Variants in SEPTIN10 observed in about 807,000 individuals in gnomAD.
SEPTIN10 encodes septin 10, also known as septin-10.
Under a neutral mutation model 54.8 loss-of-function variants are expected in SEPTIN10, and 66 were observed. The observed-to-expected ratio is 1.21, with a 90% CI of 0.99 to 1.48. The LOEUF (loss-of-function observed/expected upper bound fraction) is 1.48. Ranked by LOEUF, SEPTIN10 falls within the 40% of genes most tolerant of loss-of-function variation. The pLI, the probability that SEPTIN10 is intolerant of heterozygous loss-of-function variation, is 0.00. For missense variants in SEPTIN10, 620 were observed against 545.6 expected (o/e 1.14, Z -1.36); for synonymous variants, 161 against 181.0 (o/e 0.89, Z 0.89).
intron 1 of SEPTIN10, among the ~76,000 whole-genome samples, chr2:109,612,944 G>A (rs1343781581): frequency 1.3e-5 from 2 of 152,222 alleles, no homozygotes; most frequent in Admixed American, 1.3e-4. Context: ...CATGTAGGAG[G>A]TTGCTTAGTA....
intron 1 of SEPTIN10, among the ~76,000 whole-genome samples, chr2:109,603,652 G>A (rs1040746356): frequency 6.6e-6 from 1 of 152,108 alleles, no homozygotes; most frequent in African/African-American, 2.4e-5. Flanking sequence ...TAGTACAATT[G>A]GGAGACATAC....
At chr2:109,564,293 A>G in intron 8 of SEPTIN10, 73 bp downstream of exon 8, 1 of 1,337,448 alleles carries the variant, frequency 7.5e-7, no homozygotes, top group East Asian at 2.5e-5. Flanking sequence ...ATGCCCCATC[A>G]TCCTGGATAT....
intron 2 of SEPTIN10, among the ~76,000 whole-genome samples, chr2:109,591,570 T>G (rs940790218): frequency 6.6e-6 from 1 of 152,172 alleles, no homozygotes; most frequent in East Asian, 1.9e-4. Context: ...CTACAGTTAT[T>G]GGAGCACAGA....
Position 109,590,072 on chromosome 2 carries a change from A to T in SEPTIN10, c.99+2979T>A, listed in dbSNP as rs1013180204. ...TATGTGTGTGTATATATATACACAC[A>T]CATATATATGTATATATATACACAC... On this transcript the variant is annotated intron_variant, in intron 2 of 10. Transcript: ENST00000397712. Among the ~76,000 whole-genome samples the T allele has an allele frequency of 2.0e-5, 3 of 148,216 alleles. No individual in the cohort carries two copies. The East Asian group carries it at 5.9e-4, about 29-fold the overall frequency.
chr2:109,567,987 T>A lies in SEPTIN10; in HGVS notation c.601-11A>T, dbSNP rs1023348971. The A allele has an allele frequency of 1.3e-6, 2 of 1,559,600 alleles. No individual in the cohort carries two copies. Among genetic ancestry groups the A allele is most frequent in the Admixed American group, 2.0e-5 (1 of 49,320 alleles). ...TGGTATAATGTTTACCTATTAAGAATAAAGAAAAACAAAATCTTACTGAGG... is the reference window on the plus strand; with the variant it reads ...TGGTATAATGTTTACCTATTAAGAAAAAAGAAAAACAAAATCTTACTGAGG... On this transcript the variant is annotated splice_polypyrimidine_tract_variant and intron_variant, in intron 5 of 10. Coordinates refer to ENST00000397712, the MANE Select transcript of SEPTIN10 (RefSeq NM_144710.5).
intron 8 of SEPTIN10, among the ~76,000 whole-genome samples, chr2:109,558,386 A>C (rs1684868982): frequency 6.6e-6 from 1 of 152,192 alleles, no homozygotes; most frequent in South Asian, 2.1e-4. Flanking sequence ...TACTAAGCAT[A>C]CATCTTCCTT....
At chr2:109,598,523 C>T (rs1695824960) in intron 1 of SEPTIN10, among the ~76,000 whole-genome samples, 1 of 151,918 alleles carries the variant, frequency 6.6e-6, no homozygotes, top group Admixed American at 6.6e-5. Flanking sequence ...CGAGAGAGAA[C>T]AAAAAGCAAA....
chr2:109,577,525 G>A (rs1275539108), intron 4 of SEPTIN10, among the ~76,000 whole-genome samples: 2 of 151,786 alleles, frequency 1.3e-5, no homozygotes, highest in Non-Finnish European at 2.9e-5. Flanking sequence ...GCAGGAGGTG[G>A]AGGTTGCAGT....
At chr2:109,587,345 T>C (rs929021714) in intron 2 of SEPTIN10, among the ~76,000 whole-genome samples, 1 of 151,882 alleles carries the variant, frequency 6.6e-6, no homozygotes. Flanking sequence ...AGAAAAAAGA[T>C]AAAACTATGA....
intron 1 of SEPTIN10, among the ~76,000 whole-genome samples, chr2:109,600,122 AG>A (rs1464635517): frequency 1.3e-5 from 2 of 152,172 alleles, no homozygotes; most frequent in African/African-American, 2.4e-5. Context: ...TGGGCACAGT[AG>A]GGATGTCAGG....
chr2:109,565,801 A>G lies in SEPTIN10; in HGVS notation c.821T>C (p.Met274Thr), dbSNP rs1174472877. ...SMDEVKVGNK[M>T]VKARQYPWGV... The stretch of plus-strand genomic sequence containing the variant: ...CCAAGGGTACTGGCGAGCTTTGACC[A>G]TCTTGTTTCCGACTTTTACCTCATC... Residue 274 changes from methionine to threonine, a missense_variant, in exon 7 of 11, where the codon ATG becomes ACG. By Grantham distance (81) the Met-to-Thr change is moderately conservative (BLOSUM62 -1). Transcript: ENST00000397712. The G allele has an allele frequency of 6.2e-7, 1 of 1,614,082 alleles. No individual in the cohort carries two copies. Among genetic ancestry groups the G allele is most frequent in the South Asian group, 1.1e-5 (1 of 91,082 alleles).
In SEPTIN10 at chr2:109,590,350, T is replaced by C. The variant is rs1199735232; in HGVS notation, c.99+2701A>G. On this transcript the variant is annotated intron_variant, in intron 2 of 10. Transcript: ENST00000397712. ...GTCTCTGAGAAGAGATTTTACAGAG[T>C]GATTAAGGTCCCAAACCAGTCAGTC... Among the ~76,000 whole-genome samples, 2 of 151,976 alleles carry C rather than the reference T, an allele frequency of 1.3e-5. 1 individual carries two copies. The highest frequency in any genetic ancestry group is 2.9e-5 in the Non-Finnish European group (2 of 68,012).
At chr2:109,598,514 G>C (rs889340524) in intron 1 of SEPTIN10, among the ~76,000 whole-genome samples, 2 of 152,080 alleles carry the variant, frequency 1.3e-5, no homozygotes, top group South Asian at 4.2e-4. Flanking sequence ...GAGCGAGAGC[G>C]AGAGAGAACA....
At chr2:109,605,069 C>G (rs1697623640) in intron 1 of SEPTIN10, 1 of 152,178 alleles carries the variant, frequency 6.6e-6, no homozygotes, top group Non-Finnish European at 1.5e-5. Flanking sequence ...TTATCAAAAA[C>G]AAATATACGT....
At chr2:109,559,907 A>C (rs1685223091) in intron 8 of SEPTIN10, among the ~76,000 whole-genome samples, 1 of 129,646 alleles carries the variant, frequency 7.7e-6, no homozygotes, top group South Asian at 2.4e-4. Context: ...CCTCCAACCA[A>C]TGCCTTTTTT....
chr2:109,552,635 C>A, intron 9 of SEPTIN10: 1 of 161,966 alleles, frequency 6.2e-6, no homozygotes, highest in African/African-American at 2.4e-5. Context: ...AGGAGTTGGG[C>A]TGTGGCAAAT....
chr2:109,565,612 C>G (rs530421570), intron 7 of SEPTIN10, 151 bp downstream of exon 7: 1 of 663,472 alleles, frequency 1.5e-6, no homozygotes, highest in Admixed American at 2.4e-5. Context: ...AGGCTCTACA[C>G]GGCCTCCAGA....
chr2:109,550,923 T>C (rs1210295016), intron 9 of SEPTIN10, among the ~76,000 whole-genome samples: 1 of 152,176 alleles, frequency 6.6e-6, no homozygotes, highest in Non-Finnish European at 1.5e-5. Flanking sequence ...AAATGTTAAA[T>C]GAAAAAATTA....
intron 1 of SEPTIN10, among the ~76,000 whole-genome samples, chr2:109,595,731 C>A (rs569424314): frequency 6.6e-6 from 1 of 152,278 alleles, no homozygotes; most frequent in Admixed American, 6.5e-5. Context: ...AAGGAAAAAA[C>A]GAACAGATTA....
Sources: allele counts gnomAD v4.1 joint callset (sites outside exome capture counted in the v4.1 genomes callset), GRCh38; gene constraint gnomAD v4.1.1; transcripts MANE v1.5; gene names NCBI Gene and HGNC (gene_info 2026-07-23, HGNC 2026-07-21).